The following ZNF536 variants were observed in gnomAD, a reference collection of about 807,000 sequenced individuals.
ZNF536 encodes the protein zinc finger protein 536.
A neutral mutation model predicts 84.5 loss-of-function variants in ZNF536; 13 were observed. That is an observed-to-expected ratio of 0.15 (90% confidence interval 0.10 to 0.24). ZNF536 has a LOEUF of 0.24. Ranked by LOEUF, ZNF536 falls within the 10% of genes least tolerant of loss-of-function variation. ZNF536 has a pLI of 1.00. For missense variants in ZNF536, 1,536 were observed against 1,747.5 expected (o/e 0.88, Z 2.16); for synonymous variants, 811 against 742.5 (o/e 1.09, Z -1.50).
intron 2 of ZNF536, among the ~76,000 whole-genome samples, chr19:30,293,922 A>C (rs2045919806): frequency 6.6e-6 from 1 of 152,154 alleles, no homozygotes; most frequent in African/African-American, 2.4e-5. Context: ...ATGCCCATAC[A>C]TTTTGGAAAT....
intron 1 of ZNF536, among the ~76,000 whole-genome samples, chr19:30,232,604 T>A (rs768742487): frequency 6.6e-6 from 1 of 152,244 alleles, no homozygotes; most frequent in South Asian, 2.1e-4. Flanking sequence ...ACTGTAGATC[T>A]CTGGTCTTTC....
intron 1 of ZNF536, among the ~76,000 whole-genome samples, chr19:30,632,333 A>G (rs565462136): frequency 2.6e-5 from 4 of 152,270 alleles, no homozygotes; most frequent in African/African-American, 9.6e-5. Context: ...CAGCCAGGTG[A>G]GGTGGCTCAC....
At chr19:30,358,489 G>A (rs973741031) in intron 3 of ZNF536, among the ~76,000 whole-genome samples, 4 of 152,210 alleles carry the variant, frequency 2.6e-5, no homozygotes, top group East Asian at 3.8e-4. Flanking sequence ...ACAGCCCCTA[G>A]GGCCGTTCCT....
intron 2 of ZNF536, among the ~76,000 whole-genome samples, chr19:30,446,591 A>G (rs1034609245): frequency 6.6e-6 from 1 of 152,080 alleles, no homozygotes; most frequent in African/African-American, 2.4e-5. Flanking sequence ...AACGTGGCTC[A>G]CCTGCCAGAT....
chr19:30,287,509 G>A (rs1235223486), intron 2 of ZNF536, among the ~76,000 whole-genome samples: 1 of 151,664 alleles, frequency 6.6e-6, no homozygotes, highest in Non-Finnish European at 1.5e-5. Flanking sequence ...TAGATGGGTG[G>A]GTGGATGGAT....
chr19:30,647,828 C>T (rs2049533706), intron 1 of ZNF536, among the ~76,000 whole-genome samples: 1 of 152,112 alleles, frequency 6.6e-6, no homozygotes, highest in African/African-American at 2.4e-5. Context: ...GTTTTGGATG[C>T]CCCCAGCTGT....
At chr19:30,543,309 T>C (rs557027805) in intron 3 of ZNF536, among the ~76,000 whole-genome samples, 2 of 152,334 alleles carry the variant, frequency 1.3e-5, no homozygotes, top group African/African-American at 4.8e-5. Context: ...CATAGGACTC[T>C]TGACCCCCTG....
chr19:30,667,153 C>T (rs1260141950), intron 1 of ZNF536, among the ~76,000 whole-genome samples: 2 of 152,196 alleles, frequency 1.3e-5, no homozygotes, highest in Non-Finnish European at 2.9e-5. Flanking sequence ...GCACCGAGGA[C>T]TAATGACTGA....
In ZNF536 at chr19:30,323,927, C is replaced by T. The variant is rs148110092; in HGVS notation, c.-119-28441C>T. ...TCCCTCTTTCCCATTTTCTCTCCCT[C>T]CATCCATCTGTCCATCCCTTTTCAC... On this transcript the variant is annotated intron_variant, in intron 2 of 5. Transcript: ENST00000585628. 3.1e-3 allele frequency among the ~76,000 whole-genome samples: 477 copies of T among 152,306 alleles called. 1 individual carries two copies. The highest frequency in any genetic ancestry group is 0.011 in the African/African-American group (462 of 41,572).
In ZNF536 at chr19:30,529,759, G is replaced by A. The variant is rs537314745; in HGVS notation, c.2171-5088G>A. ...CAAGTCACTTTCAGCTTGTAGGCAC[G>A]GGCAGAGGAGAAAGCTGGCAGAGCT... On this transcript the variant is annotated intron_variant, in intron 2 of 4. Coordinates refer to ENST00000355537, the MANE Select transcript of ZNF536 (RefSeq NM_014717.3). Among the ~76,000 whole-genome samples, 5 of 152,242 alleles carry A rather than the reference G, an allele frequency of 3.3e-5. No individual in the cohort carries two copies. In the South Asian group the frequency reaches 6.2e-4, roughly 19 times the overall value.
chr19:30,493,089 C>CTTTT lies in ZNF536; in HGVS notation c.2171-41734_2171-41731dup, dbSNP rs201787656. 2.7e-3 allele frequency among the ~76,000 whole-genome samples: 193 copies of CTTTT among 71,606 alleles called. 28 individuals are homozygous for CTTTT. The highest frequency in any genetic ancestry group is 6.7e-3 in the African/African-American group (100 of 14,914). The allele number at this position is 71,606 out of a possible 152,430, so 47.0% of individuals were successfully genotyped here. A position where few individuals can be genotyped will look rare whatever the true frequency, so the allele number is the denominator to read the frequency against. On this transcript the variant is annotated intron_variant, in intron 2 of 4. Transcript: ENST00000355537. ...AATATCTCTCTTGCAATATTACTCA[C>CTTTT]TTTTTTTTTTTTTTTTTTTTTTTTT...
intron 2 of ZNF536, among the ~76,000 whole-genome samples, chr19:30,300,104 G>A (rs1440626713): frequency 1.3e-5 from 2 of 152,154 alleles, no homozygotes; most frequent in East Asian, 1.9e-4. Flanking sequence ...TATTTGTTAT[G>A]AGCGTGGGAG....
At chr19:30,649,021 A>G (rs1447226336) in intron 1 of ZNF536, among the ~76,000 whole-genome samples, 1 of 152,080 alleles carries the variant, frequency 6.6e-6, no homozygotes, top group African/African-American at 2.4e-5. Context: ...CTTCAGGGCG[A>G]TGGGGTAGGA....
At chr19:30,566,114 C>T (rs759477798) in intron 1 of ZNF536, among the ~76,000 whole-genome samples, 2 of 152,216 alleles carry the variant, frequency 1.3e-5, no homozygotes, top group Non-Finnish European at 1.5e-5. Flanking sequence ...TAAAATCAGT[C>T]GTGGCCTTTG....
chr19:30,672,780 A>ATC (rs2050605647), intron 1 of ZNF536, among the ~76,000 whole-genome samples: 1 of 152,192 alleles, frequency 6.6e-6, no homozygotes, highest in Non-Finnish European at 1.5e-5. Context: ...GAGGGAGAGA[A>ATC]GATCCCAGGA....
upstream of ZNF536, among the ~76,000 whole-genome samples, chr19:30,367,697 G>A (rs1354339400): frequency 1.3e-5 from 2 of 152,208 alleles, no homozygotes; most frequent in Non-Finnish European, 1.5e-5. Flanking sequence ...GATGCTGGTC[G>A]CGTGACAGCA....
intron 1 of ZNF536, among the ~76,000 whole-genome samples, chr19:30,638,358 C>G (rs890947700): frequency 6.6e-6 from 1 of 152,156 alleles, no homozygotes; most frequent in African/African-American, 2.4e-5. Context: ...GCTCACAGTC[C>G]TGTAGGCTGT....
intron 3 of ZNF536, among the ~76,000 whole-genome samples, chr19:30,539,831 C>G (rs1056869681): frequency 6.6e-6 from 1 of 152,164 alleles, no homozygotes; most frequent in Non-Finnish European, 1.5e-5. Context: ...TGCGTGGCTG[C>G]GGGACTCCTG....
chr19:30,691,115 A>G (rs1461839645), intron 1 of ZNF536, among the ~76,000 whole-genome samples: 2 of 152,158 alleles, frequency 1.3e-5, no homozygotes, highest in African/African-American at 4.8e-5. Flanking sequence ...TGCACAGACC[A>G]GAGGCCTCCC....
Sources: allele counts gnomAD v4.1 joint callset (sites outside exome capture counted in the v4.1 genomes callset), GRCh38; gene constraint gnomAD v4.1.1; transcripts MANE v1.5; gene names NCBI Gene and HGNC (gene_info 2026-07-23, HGNC 2026-07-21).